Variants in PTPRD observed in about 807,000 individuals in gnomAD.
PTPRD encodes the protein receptor-type tyrosine-protein phosphatase delta.
PTPRD carries 34 observed loss-of-function variants against 214.5 expected under a neutral mutation model. The observed-to-expected ratio is 0.16, with a 90% confidence interval of 0.12 to 0.21. PTPRD has a LOEUF of 0.21. Among genes scored for constraint, PTPRD ranks in the 10% least tolerant of loss-of-function variants. The probability of loss-of-function intolerance (pLI) is 1.00; values close to 1 mark genes in which losing one functional copy is unlikely to be tolerated. For synonymous variants in PTPRD, 1,128 were observed against 845.7 expected, an observed-to-expected ratio of 1.33 and a Z score of -5.79; for missense variants, 2,545 against 2,398.7, an observed-to-expected ratio of 1.06 and a Z score of -1.27.
At chr9:9,876,810 C>T (rs1398259211) in intron 5 of PTPRD, among the ~76,000 whole-genome samples, 4 of 152,058 alleles carry the variant, frequency 2.6e-5, no homozygotes, top group African/African-American at 7.2e-5. Context: ...AAAATAATGA[C>T]GGCATGCCAT....
chr9:9,867,025 T>C (rs1258517746), intron 5 of PTPRD, among the ~76,000 whole-genome samples: 3 of 152,166 alleles, frequency 2.0e-5, no homozygotes, highest in Admixed American at 2.0e-4. Context: ...ACTTAGTACT[T>C]AGACTGGAAG....
At chr9:10,100,719 T>C (rs72694850) in intron 3 of PTPRD, among the ~76,000 whole-genome samples, 7,978 of 151,714 alleles carry the variant, frequency 0.053, 270 homozygotes, top group Admixed American at 0.1. Context: ...TGAATATATA[T>C]TGAGCACCTC....
intron 36 of PTPRD, among the ~76,000 whole-genome samples, chr9:8,394,488 A>G (rs1431404608): frequency 6.6e-6 from 1 of 152,102 alleles, no homozygotes; most frequent in African/African-American, 2.4e-5. Flanking sequence ...ATTTAGAGAA[A>G]CTGACCAGGA....
intron 3 of PTPRD, among the ~76,000 whole-genome samples, chr9:10,099,835 A>G (rs907518387): frequency 5.3e-5 from 8 of 151,768 alleles, no homozygotes; most frequent in Non-Finnish European, 7.4e-5. Flanking sequence ...AAATTTAAAA[A>G]AAAGATTCGG....
chr9:8,955,615 A>AT (rs2099127386), intron 11 of PTPRD, among the ~76,000 whole-genome samples: 5 of 151,210 alleles, frequency 3.3e-5, no homozygotes. Flanking sequence ...TCTGTTTTTT[A>AT]TTTTTTATTT....
chr9:9,098,602 C>T (rs529671707), intron 10 of PTPRD, among the ~76,000 whole-genome samples: 4 of 152,204 alleles, frequency 2.6e-5, no homozygotes, highest in South Asian at 2.1e-4. Flanking sequence ...ATTTGAGTGT[C>T]TGTAATATAA....
intron 5 of PTPRD, among the ~76,000 whole-genome samples, chr9:9,796,417 C>T (rs769966290): frequency 2.0e-5 from 3 of 151,866 alleles, no homozygotes; most frequent in African/African-American, 4.8e-5. Flanking sequence ...AAGAAATATC[C>T]GGGAGGAGGT....
At chr9:9,142,876 G>T (rs2099862626) in intron 10 of PTPRD, among the ~76,000 whole-genome samples, 1 of 151,976 alleles carries the variant, frequency 6.6e-6, no homozygotes, top group South Asian at 2.1e-4. Flanking sequence ...GGGCCATATT[G>T]TTGGGCTTCC....
chr9:8,316,044 G>A lies in PTPRD; in HGVS notation c.*1830C>T, dbSNP rs1310765658. 4.4e-6 allele frequency: 1 copy of A among 228,448 alleles called. No homozygotes were observed. The highest frequency in any genetic ancestry group is 8.7e-6 in the Non-Finnish European group (1 of 114,916). The allele number at this position is 228,448 out of a possible 1,614,324, so 14.2% of individuals were successfully genotyped here. On this transcript the variant is annotated 3_prime_UTR_variant, in exon 46 of 46. Transcript: ENST00000381196. ...TTGTTACTAAAATAAGTTTGGTGCA[G>A]TTACTGCATGTTCCAGAGCGGATTT...
At chr9:9,264,946 T>A (rs1421502384) in intron 9 of PTPRD, among the ~76,000 whole-genome samples, 1 of 149,762 alleles carries the variant, frequency 6.7e-6, no homozygotes, top group East Asian at 2.0e-4. Flanking sequence ...AAGCTGTCTG[T>A]CCGTCAGAAA....
intron 22 of PTPRD, 133 bp from the exon 23 acceptor site, chr9:8,504,538 G>A (rs1387295635): frequency 2.9e-6 from 3 of 1,030,872 alleles, no homozygotes; most frequent in East Asian, 2.4e-5. Flanking sequence ...AGAGTCAATA[G>A]TGAGTATCCA....
chr9:9,710,308 G>T (rs180849358), intron 7 of PTPRD, among the ~76,000 whole-genome samples: 46 of 152,096 alleles, frequency 3.0e-4, no homozygotes, highest in African/African-American at 1.1e-3. Context: ...AGAAGGCAAA[G>T]CCCAGAACTC....
intron 43 of PTPRD, among the ~76,000 whole-genome samples, chr9:8,338,177 G>C (rs1469546223): frequency 6.6e-6 from 1 of 152,068 alleles, no homozygotes; most frequent in Non-Finnish European, 1.5e-5. Flanking sequence ...CACTGTGACA[G>C]TTCCAAACAC....
intron 11 of PTPRD, among the ~76,000 whole-genome samples, chr9:8,843,350 A>G (rs1601633413): frequency 6.6e-6 from 1 of 152,194 alleles, no homozygotes; most frequent in Admixed American, 6.5e-5. Flanking sequence ...TTTCACTTAC[A>G]TCTTTCCTGC....
intron 9 of PTPRD, among the ~76,000 whole-genome samples, chr9:9,279,246 G>T (rs1595062082): frequency 6.7e-6 from 1 of 149,224 alleles, no homozygotes; most frequent in East Asian, 2.0e-4. Flanking sequence ...ATCTATATAA[G>T]AATATGTGAA....
At chr9:10,338,882 T>C (rs2096890091) in intron 3 of PTPRD, among the ~76,000 whole-genome samples, 1 of 151,198 alleles carries the variant, frequency 6.6e-6, no homozygotes, top group African/African-American at 2.4e-5. Flanking sequence ...GATAAATGAA[T>C]ATAAATTAAA....
At chr9:8,773,723 T>C (rs2095337802) in intron 11 of PTPRD, among the ~76,000 whole-genome samples, 1 of 152,234 alleles carries the variant, frequency 6.6e-6, no homozygotes, top group African/African-American at 2.4e-5. Context: ...AATTTAAATC[T>C]TGTCTACTTT....
chr9:10,105,192 A>G (rs1359086464), intron 3 of PTPRD, among the ~76,000 whole-genome samples: 1 of 151,710 alleles, frequency 6.6e-6, no homozygotes, highest in Non-Finnish European at 1.5e-5. Context: ...ATGGCTACTA[A>G]AGTACTCTCC....
At chr9:9,233,896 C>T (rs1243620969) in intron 9 of PTPRD, among the ~76,000 whole-genome samples, 2 of 152,208 alleles carry the variant, frequency 1.3e-5, no homozygotes, top group East Asian at 3.9e-4. Flanking sequence ...CTTTTATGGG[C>T]TGGCATTGAA....
Sources: allele counts gnomAD v4.1 joint callset (sites outside exome capture counted in the v4.1 genomes callset), GRCh38; gene constraint gnomAD v4.1.1; transcripts MANE v1.5; gene names NCBI Gene and HGNC (gene_info 2026-07-23, HGNC 2026-07-21).